The following TBC1D19 variants were observed in gnomAD, a reference collection of about 807,000 sequenced individuals.
TBC1D19 encodes TBC1 domain family member 19.
TBC1D19 carries 60 observed loss-of-function variants against 89.0 expected under a neutral mutation model. The ratio of observed to expected loss-of-function variants is 0.67; its 90% CI spans 0.55 to 0.84. The LOEUF (loss-of-function observed/expected upper bound fraction) is 0.84. TBC1D19 is among the 40% of genes least tolerant of loss of function. The pLI, the probability that TBC1D19 is intolerant of heterozygous loss-of-function variation, is 0.00. For synonymous variants in TBC1D19, 189 were observed against 199.7 expected (o/e 0.95, Z 0.45); for missense variants, 500 against 610.8 (o/e 0.82, Z 1.91).
Position 26,717,934 on chromosome 4 carries a change from T to C in TBC1D19, c.956T>C (p.Val319Ala), listed in dbSNP as rs537114943. Residue 319 changes from valine to alanine, a missense_variant and splice_region_variant, in exon 14 of 21, where the codon GTA becomes GCA. Around this residue, in one of 2 missense-constraint regions of TBC1D19, gnomAD observed 220 missense variants for 319.1 expected, o/e 0.69. Coordinates refer to ENST00000264866, the MANE Select transcript of TBC1D19 (RefSeq NM_018317.4). ...YFVFEDYLYQ[V>A]LLCFSRDTSV... ...TTTTTTTTCCAATGTTATATTCAGGTATTACTTTGTTTTTCCCGGGATACA... is the reference window on the plus strand; with the variant it reads ...TTTTTTTTCCAATGTTATATTCAGGCATTACTTTGTTTTTCCCGGGATACA... 5 of 1,610,680 alleles carry C rather than the reference T, an allele frequency of 3.1e-6. No homozygotes were observed. In the South Asian group the frequency reaches 3.3e-5, roughly 11 times the overall value.
At chr4:26,627,155 T>C (rs1241781584) in intron 4 of TBC1D19, among the ~76,000 whole-genome samples, 1 of 151,832 alleles carries the variant, frequency 6.6e-6, no homozygotes, top group Non-Finnish European at 1.5e-5. Flanking sequence ...TTTTTTGTCC[T>C]TGCGATAGTT....
At chr4:26,750,098 A>G (rs557409567) in intron 19 of TBC1D19, among the ~76,000 whole-genome samples, 40 of 152,224 alleles carry the variant, frequency 2.6e-4, no homozygotes, top group African/African-American at 7.7e-4. Context: ...GGCCCATTTC[A>G]TTTCTGGATA....
chr4:26,670,261 C>T (rs867093477), intron 9 of TBC1D19, among the ~76,000 whole-genome samples: 10 of 150,548 alleles, frequency 6.6e-5, no homozygotes, highest in African/African-American at 9.7e-5. Flanking sequence ...ATTTATGTTA[C>T]GGATCCCAGA....
chr4:26,629,642 T>C (rs1296370939), intron 4 of TBC1D19, among the ~76,000 whole-genome samples: 1 of 152,004 alleles, frequency 6.6e-6, no homozygotes, highest in Non-Finnish European at 1.5e-5. Flanking sequence ...TTCGTAATAA[T>C]AGTAAAAAAT....
At chr4:26,838,854 C>G in the TBC1D19 span, among the ~76,000 whole-genome samples, 3 of 152,132 alleles carry the variant, frequency 2.0e-5, no homozygotes, top group African/African-American at 4.8e-5. Flanking sequence ...AATATTTGAC[C>G]AAGTTAGATC....
chr4:26,782,660 A>G, the TBC1D19 span, among the ~76,000 whole-genome samples: 9,904 of 152,242 alleles, frequency 0.065, 1,100 homozygotes, highest in African/African-American at 0.23. Context: ...TCTTGTGGCT[A>G]TGCCAGTGTT....
chr4:26,845,667 A>C, the TBC1D19 span, among the ~76,000 whole-genome samples: 1 of 152,236 alleles, frequency 6.6e-6, no homozygotes, highest in Non-Finnish European at 1.5e-5. Flanking sequence ...GTAATTTATA[A>C]AGAAAAAGAG....
At position 26,637,972 on chromosome 4, in the gene TBC1D19, G is replaced by A. The variant is rs565295575; in HGVS notation, c.369+687G>A. Among the ~76,000 whole-genome samples, 10 of 152,272 alleles carry A rather than the reference G, an allele frequency of 6.6e-5. No homozygotes were observed. In the East Asian group the frequency reaches 1.9e-3, roughly 29 times the overall value. On this transcript the variant is annotated intron_variant, in intron 5 of 20. Coordinates refer to ENST00000264866, the MANE Select transcript of TBC1D19 (RefSeq NM_018317.4). ...CACAGATAGAGTTCAGGCATACTGT[G>A]ATCTTGTAATAGGTAATACGGTACC...
chr4:26,673,347 TGTA>T (rs1712480951), intron 10 of TBC1D19, among the ~76,000 whole-genome samples: 1 of 150,788 alleles, frequency 6.6e-6, no homozygotes, highest in Non-Finnish European at 1.5e-5. Flanking sequence ...ACATTCATGA[TGTA>T]GTAGAATATG....
At chr4:26,699,342 T>C (rs554149459) in intron 13 of TBC1D19, among the ~76,000 whole-genome samples, 1 of 152,078 alleles carries the variant, frequency 6.6e-6, no homozygotes, top group South Asian at 2.1e-4. Context: ...AGAATGATGA[T>C]CATTAAAAAG....
chr4:26,585,301 C>G, intron 1 of TBC1D19: 1 of 317,696 alleles, frequency 3.1e-6, no homozygotes, highest in Non-Finnish European at 6.2e-6. Context: ...CTTGATAGCG[C>G]TTGATGCTGC....
chr4:26,637,421 G>A (rs770691121), intron 5 of TBC1D19, 136 bp downstream of exon 5: 8 of 631,182 alleles, frequency 1.3e-5, no homozygotes, highest in Non-Finnish European at 2.0e-5. Flanking sequence ...CACCCAGGCT[G>A]GAGTGCAGTG....
chr4:26,845,996 A>T, the TBC1D19 span, among the ~76,000 whole-genome samples: 1 of 152,196 alleles, frequency 6.6e-6, no homozygotes, highest in South Asian at 2.1e-4. Flanking sequence ...TATAAGTGGA[A>T]TCATATAATA....
the TBC1D19 span, among the ~76,000 whole-genome samples, chr4:26,833,431 T>G: frequency 6.6e-6 from 1 of 152,182 alleles, no homozygotes; most frequent in Non-Finnish European, 1.5e-5. Flanking sequence ...ACACAAAAAT[T>G]CCCTTGCACT....
At chr4:26,653,761 G>A (rs1322968539) in intron 7 of TBC1D19, among the ~76,000 whole-genome samples, 2 of 152,062 alleles carry the variant, frequency 1.3e-5, no homozygotes, top group African/African-American at 2.4e-5. Flanking sequence ...TTGAGCCTAT[G>A]TGTGTCTCTG....
intron 14 of TBC1D19, 103 bp downstream of exon 14, chr4:26,718,120 T>C: frequency 1.3e-6 from 1 of 793,064 alleles, no homozygotes; most frequent in Non-Finnish European, 2.0e-6. Flanking sequence ...TTATTATAAA[T>C]TACTTAAGAT....
rs1239897861 is a variant in TBC1D19, at chr4:26,755,429, T to C, written c.*482T>C. On this transcript the variant is annotated 3_prime_UTR_variant, in exon 21 of 21. Coordinates refer to ENST00000264866, the MANE Select transcript of TBC1D19 (RefSeq NM_018317.4). ...GTGTGAGAACACTTGAAAAAGATAATGTTTTTAAGTAGGAATTCAAAAGTT... is the reference window on the plus strand; with the variant it reads ...GTGTGAGAACACTTGAAAAAGATAACGTTTTTAAGTAGGAATTCAAAAGTT... 1 of 152,114 alleles carries C rather than the reference T, an allele frequency of 6.6e-6. No homozygotes were observed. The highest frequency in any genetic ancestry group is 2.4e-5 in the African/African-American group (1 of 41,422). 9.4% of individuals were successfully genotyped at this position (152,114 alleles called of 1,614,324 possible).
chr4:26,751,268 C>G (rs1187938630), intron 19 of TBC1D19, among the ~76,000 whole-genome samples: 1 of 152,030 alleles, frequency 6.6e-6, no homozygotes, highest in Non-Finnish European at 1.5e-5. Context: ...CTTTTTTTCC[C>G]CTTCTTATCT....
intron 13 of TBC1D19, among the ~76,000 whole-genome samples, chr4:26,704,318 G>C (rs1715563566): frequency 6.6e-6 from 1 of 152,040 alleles, no homozygotes; most frequent in African/African-American, 2.4e-5. Flanking sequence ...AACTACGTAA[G>C]TTAACATATT....
Sources: gnomAD v4.1 joint callset for allele counts (sites outside exome capture counted in the v4.1 genomes callset) on GRCh38, gnomAD v4.1.1 for gene constraint, gnomAD v4.1.1 regional missense constraint, MANE v1.5 for transcripts, NCBI Gene and HGNC (gene_info 2026-07-23, HGNC 2026-07-21) for gene names.